Variants in ZNF560 observed in about 807,000 individuals in gnomAD.
The protein encoded by ZNF560 is zinc finger protein 560.
ZNF560 carries 54 observed loss-of-function variants against 81.8 expected under a neutral mutation model. The observed-to-expected ratio is 0.66, with a 90% CI of 0.53 to 0.83. ZNF560 has a LOEUF of 0.83. Ranked by LOEUF, ZNF560 falls within the 40% of genes least tolerant of loss-of-function variation. ZNF560 has a pLI of 0.00. For missense variants in ZNF560, 940 were observed against 932.4 expected, an observed-to-expected ratio of 1.01 and a Z score of -0.11; for synonymous variants, 321 against 317.9, an observed-to-expected ratio of 1.01 and a Z score of -0.10.
At chr19:9,462,032 G>T (rs1310205651), downstream of ZNF560, among the ~76,000 whole-genome samples, 1 of 152,236 alleles carries the variant, frequency 6.6e-6, no homozygotes, top group Non-Finnish European at 1.5e-5. Flanking sequence ...GTAGTCTGCA[G>T]ATGCGGATCC....
At chr19:9,464,452 C>T (rs536420615), downstream of ZNF560, among the ~76,000 whole-genome samples, 9 of 152,326 alleles carry the variant, frequency 5.9e-5, no homozygotes, top group South Asian at 2.1e-4. Flanking sequence ...TGTCCCTCCA[C>T]GGCCATGAAA....
intron 2 of ZNF560, among the ~76,000 whole-genome samples, chr19:9,494,213 C>T (rs2073520097): frequency 1.3e-5 from 2 of 151,904 alleles, no homozygotes; most frequent in South Asian, 2.1e-4. Flanking sequence ...GAAATTCTCC[C>T]TTCAATCTTG....
rs1176509380 is a variant in ZNF560 at position 9,467,157 on chromosome 19, T to C, written c.1790A>G (p.Glu597Gly). ...ACATTTCTTACATTCATATGGCTTC[T>C]CTCCACTGTGTCTTCGTAAATGTTT... is the stretch of plus-strand genomic sequence containing the variant. ...LTKHLRRHSG[E>G]KPYECKKCGK... is the part of the protein sequence containing the mutation. Residue 597 changes from glutamate (E) to glycine (G), a missense_variant, in exon 10 of 10, where the codon GAG becomes GGG. By Grantham distance (98) the Glu-to-Gly change is moderately conservative. Transcript: ENST00000301480. 3.7e-6 allele frequency: 6 copies of C among 1,613,972 alleles called. No homozygotes were observed. Among genetic ancestry groups the C allele is most frequent in the Non-Finnish European group, 5.1e-6 (6 of 1,180,030 alleles).
chr19:9,487,834 G>A (rs530870237), intron 2 of ZNF560, among the ~76,000 whole-genome samples: 1 of 152,192 alleles, frequency 6.6e-6, no homozygotes, highest in South Asian at 2.1e-4. Context: ...GAATGCTGAG[G>A]CATCAAGAAA....
At chr19:9,487,657 G>C (rs941004352) in intron 2 of ZNF560, among the ~76,000 whole-genome samples, 1 of 152,188 alleles carries the variant, frequency 6.6e-6, no homozygotes, top group Non-Finnish European at 1.5e-5. Flanking sequence ...GCCTTTACTG[G>C]GGCTTGGGGT....
At chr19:9,505,695 G>C in the ZNF560 span, among the ~76,000 whole-genome samples, 2 of 152,054 alleles carry the variant, frequency 1.3e-5, no homozygotes, top group South Asian at 4.2e-4. Flanking sequence ...GTTTTGTTTT[G>C]TTTTTCAGAC....
chr19:9,461,531 G>C (rs1250382898), downstream of ZNF560, among the ~76,000 whole-genome samples: 1 of 152,120 alleles, frequency 6.6e-6, no homozygotes, highest in East Asian at 1.9e-4. Context: ...TAGCTGGAGT[G>C]GCACTACATT....
At chr19:9,502,171 A>G (rs1194421109), upstream of ZNF560, among the ~76,000 whole-genome samples, 2 of 151,804 alleles carry the variant, frequency 1.3e-5, no homozygotes, top group Admixed American at 6.6e-5. Flanking sequence ...AAAAAAAGAA[A>G]AAAAAAAGTG....
At chr19:9,488,836 T>C (rs1221151688) in intron 2 of ZNF560, among the ~76,000 whole-genome samples, 1 of 152,204 alleles carries the variant, frequency 6.6e-6, no homozygotes, top group Non-Finnish European at 1.5e-5. Flanking sequence ...TGGGAGATGA[T>C]TGGATCATGG....
At chr19:9,452,040 C>T in the ZNF560 span, among the ~76,000 whole-genome samples, 6 of 151,994 alleles carry the variant, frequency 3.9e-5, no homozygotes, top group South Asian at 2.1e-4. Flanking sequence ...TGTGCCACTG[C>T]GCTCCAGCCT....
At chr19:9,465,943 G>A (rs545708379), downstream of ZNF560, among the ~76,000 whole-genome samples, 290 of 150,922 alleles carry the variant, frequency 1.9e-3, 1 homozygote, top group African/African-American at 6.3e-3. Context: ...GCAGTGAGCC[G>A]AGATCATGCT....
the ZNF560 span, among the ~76,000 whole-genome samples, chr19:9,454,416 G>A: frequency 4.6e-5 from 7 of 152,294 alleles, no homozygotes; most frequent in East Asian, 1.9e-4. Context: ...CATGGGGCTC[G>A]AACCCGGGTC....
intron 2 of ZNF560, among the ~76,000 whole-genome samples, chr19:9,495,720 C>T (rs575240992): frequency 7.3e-5 from 11 of 151,504 alleles, no homozygotes; most frequent in South Asian, 4.2e-4. Flanking sequence ...AAGTCGGGGG[C>T]GGGGAAAGAA....
the ZNF560 span, among the ~76,000 whole-genome samples, chr19:9,457,502 T>C: frequency 1.3e-5 from 2 of 152,244 alleles, no homozygotes; most frequent in Non-Finnish European, 2.9e-5. Context: ...AACCTACTCA[T>C]AAAAGATTTT....
chr19:9,505,827 C>A, the ZNF560 span, among the ~76,000 whole-genome samples: 1 of 152,048 alleles, frequency 6.6e-6, no homozygotes, highest in South Asian at 2.1e-4. Flanking sequence ...CTATACCTGG[C>A]TAATTTTTGT....
At chr19:9,463,930 G>C (rs1438560806), downstream of ZNF560, among the ~76,000 whole-genome samples, 3 of 152,172 alleles carry the variant, frequency 2.0e-5, no homozygotes, top group South Asian at 2.1e-4. Context: ...TGATCCGCCT[G>C]ACTTGGCCTC....
chr19:9,448,715 A>T, the ZNF560 span, among the ~76,000 whole-genome samples: 1 of 152,186 alleles, frequency 6.6e-6, no homozygotes, highest in Non-Finnish European at 1.5e-5. Flanking sequence ...CCTTGAATGT[A>T]AATGGTCTTA....
At chr19:9,468,776 G>A (rs895976371) in intron 9 of ZNF560, among the ~76,000 whole-genome samples, 1 of 138,492 alleles carries the variant, frequency 7.2e-6, no homozygotes, top group Non-Finnish European at 1.5e-5. Context: ...TGCCCAGGCT[G>A]TAGTGTGCAG....
chr19:9,487,656 G>A (rs909543567), intron 2 of ZNF560, among the ~76,000 whole-genome samples: 1 of 152,198 alleles, frequency 6.6e-6, no homozygotes, highest in Non-Finnish European at 1.5e-5. Context: ...TGCCTTTACT[G>A]GGGCTTGGGG....
Sources: gnomAD v4.1 joint callset for allele counts (sites outside exome capture counted in the v4.1 genomes callset) on GRCh38, gnomAD v4.1.1 for gene constraint, MANE v1.5 for transcripts, NCBI Gene and HGNC (gene_info 2026-07-23, HGNC 2026-07-21) for gene names.